STXBP6: variants seen among roughly 807,000 people sequenced by gnomAD.
STXBP6 encodes the protein syntaxin binding protein 6.
STXBP6 carries 21 observed loss-of-function variants against 26.9 expected under a neutral mutation model. The ratio of observed to expected loss-of-function variants is 0.78; its 90% confidence interval spans 0.55 to 1.12. The LOEUF (loss-of-function observed/expected upper bound fraction) is 1.12. STXBP6 is among the 50% of genes most tolerant of loss of function. The pLI, the probability that STXBP6 is intolerant of heterozygous loss-of-function variation, is 0.00. For synonymous variants in STXBP6, 97 were observed against 92.6 expected (o/e 1.05, Z -0.27); for missense variants, 232 against 257.9 (o/e 0.90, Z 0.69).
In STXBP6 at chr14:24,949,125, AAGCACCATTAG is replaced by A. The variant is rs1226294826; in HGVS notation, c.154+25529_154+25539del. ...AATTCAACACGAAAAAGTAGAGAGT[AAGCACCATTAG>A]AGCAAACATTTTATTTTACAGACAA... On this transcript the variant is annotated intron_variant, in intron 2 of 5. Coordinates refer to ENST00000323944, the MANE Select transcript of STXBP6 (RefSeq NM_001394410.1). Among the ~76,000 whole-genome samples, 7 of 152,214 alleles carry A rather than the reference AAGCACCATTAG, an allele frequency of 4.6e-5. 2 individuals are homozygous for A. The highest frequency in any genetic ancestry group is 3.9e-4 in the Admixed American group (6 of 15,276).
In STXBP6 at chr14:24,927,259, G is replaced by A. The variant is rs537143808; in HGVS notation, c.154+47406C>T. On this transcript the variant is annotated intron_variant, in intron 2 of 5. Transcript: ENST00000323944. ...TATTCCACACTTCTATACTGGCCTT[G>A]TTCCCTGGCTCACTCTCCAGAGGGT... 4.6e-5 allele frequency among the ~76,000 whole-genome samples: 7 copies of A among 152,260 alleles called. No homozygotes were observed. The South Asian group carries it at 1.2e-3, about 27-fold the overall frequency.
chr14:24,963,115 G>C (rs1202100699), intron 2 of STXBP6, among the ~76,000 whole-genome samples: 1 of 151,902 alleles, frequency 6.6e-6, no homozygotes, highest in African/African-American at 2.4e-5. Flanking sequence ...TTTCCCCTTG[G>C]TTTCATGTTT....
At chr14:24,992,285 A>T (rs1397510148) in intron 1 of STXBP6, among the ~76,000 whole-genome samples, 1 of 152,176 alleles carries the variant, frequency 6.6e-6, no homozygotes, top group Non-Finnish European at 1.5e-5. Context: ...CTAACTACCC[A>T]TGAGCTTTGC....
intron 2 of STXBP6, among the ~76,000 whole-genome samples, chr14:24,862,672 T>C (rs2069581188): frequency 6.6e-6 from 1 of 152,206 alleles, no homozygotes; most frequent in African/African-American, 2.4e-5. Flanking sequence ...GTCTAGGAAA[T>C]TTCTCCAAAA....
chr14:24,887,403 G>A (rs1225236266), intron 2 of STXBP6, among the ~76,000 whole-genome samples: 3 of 152,120 alleles, frequency 2.0e-5, no homozygotes, highest in Non-Finnish European at 4.4e-5. Context: ...TCATAGCAAA[G>A]ATGAAAAGGT....
At chr14:24,909,685 T>C (rs1246412461) in intron 2 of STXBP6, among the ~76,000 whole-genome samples, 1 of 151,322 alleles carries the variant, frequency 6.6e-6, no homozygotes, top group Non-Finnish European at 1.5e-5. Context: ...ATCTAGCATG[T>C]ATCCTGGATT....
At chr14:25,038,011 AT>A in intron 1 of STXBP6, among the ~76,000 whole-genome samples, 1 of 152,308 alleles carries the variant, frequency 6.6e-6, no homozygotes, top group South Asian at 2.1e-4. Context: ...ATGACTACAG[AT>A]TTCAAGACTT....
chr14:24,980,983 T>A (rs1244469648), intron 1 of STXBP6, among the ~76,000 whole-genome samples: 1 of 152,242 alleles, frequency 6.6e-6, no homozygotes, highest in Non-Finnish European at 1.5e-5. Context: ...GTTTTCTGAA[T>A]GACTTCTTCA....
At chr14:25,007,916 G>C (rs1395793729) in intron 1 of STXBP6, among the ~76,000 whole-genome samples, 1 of 152,106 alleles carries the variant, frequency 6.6e-6, no homozygotes, top group Non-Finnish European at 1.5e-5. Context: ...ACTGAGAATG[G>C]ACAATCTCCA....
At chr14:24,953,510 C>A (rs1041545752) in intron 2 of STXBP6, among the ~76,000 whole-genome samples, 1 of 152,198 alleles carries the variant, frequency 6.6e-6, no homozygotes, top group African/African-American at 2.4e-5. Flanking sequence ...AGTGGCTACC[C>A]TTTCCTGCTG....
intron 1 of STXBP6, among the ~76,000 whole-genome samples, chr14:24,981,610 C>G (rs1388726640): frequency 6.6e-6 from 1 of 152,058 alleles, no homozygotes; most frequent in Non-Finnish European, 1.5e-5. Context: ...TTAACACACC[C>G]AATTGGTGCA....
At chr14:24,818,755 A>G (rs1380920226) in intron 5 of STXBP6, among the ~76,000 whole-genome samples, 1 of 152,106 alleles carries the variant, frequency 6.6e-6, no homozygotes, top group Non-Finnish European at 1.5e-5. Flanking sequence ...CTTGAGCCCT[A>G]AACTTCTGAG....
intron 2 of STXBP6, among the ~76,000 whole-genome samples, chr14:24,861,299 C>G (rs1412855771): frequency 6.6e-6 from 1 of 151,938 alleles, no homozygotes; most frequent in African/African-American, 2.4e-5. Flanking sequence ...AATAAATAAG[C>G]TGGAGGTAAA....
At chr14:24,974,968 A>G (rs1433123878) in intron 1 of STXBP6, 118 bp from the exon 2 acceptor site, 1 of 588,070 alleles carries the variant, frequency 1.7e-6, no homozygotes, top group African/African-American at 1.9e-5. Context: ...GTTTAATCTC[A>G]TAATTGCTTG....
At chr14:25,043,940 C>T (rs1233256112) in intron 1 of STXBP6, among the ~76,000 whole-genome samples, 1 of 151,934 alleles carries the variant, frequency 6.6e-6, no homozygotes, top group Non-Finnish European at 1.5e-5. Context: ...GAGGTCAAGG[C>T]AGGTGGATTG....
intron 4 of STXBP6, among the ~76,000 whole-genome samples, chr14:24,852,254 G>C (rs1340552532): frequency 1.3e-5 from 2 of 152,162 alleles, no homozygotes; most frequent in African/African-American, 4.8e-5. Context: ...TCTCAAAAGA[G>C]GAGGACCATC....
At chr14:24,952,470 G>A (rs2073201648) in intron 2 of STXBP6, among the ~76,000 whole-genome samples, 1 of 152,124 alleles carries the variant, frequency 6.6e-6, no homozygotes, top group South Asian at 2.1e-4. Context: ...AAACTGAGGA[G>A]TATTAATCTA....
intron 2 of STXBP6, among the ~76,000 whole-genome samples, chr14:24,907,951 A>G (rs1452932040): frequency 6.6e-6 from 1 of 152,086 alleles, no homozygotes; most frequent in Non-Finnish European, 1.5e-5. Context: ...ACACCACTTC[A>G]AAGCTAAGGA....
intron 1 of STXBP6, among the ~76,000 whole-genome samples, chr14:24,992,427 G>T (rs1326702433): frequency 6.6e-6 from 1 of 152,110 alleles, no homozygotes; most frequent in South Asian, 2.1e-4. Flanking sequence ...GAAAAAAAAA[G>T]GTCAAAGACA....
Sources: allele counts gnomAD v4.1 joint callset (sites outside exome capture counted in the v4.1 genomes callset), GRCh38; gene constraint gnomAD v4.1.1; transcripts MANE v1.5; gene names NCBI Gene and HGNC (gene_info 2026-07-23, HGNC 2026-07-21).